NR4A3: variants seen among roughly 807,000 people sequenced by gnomAD.
NR4A3 encodes chondrosarcoma, extraskeletal myxoid, fused to EWS.
Under a neutral mutation model 55.6 loss-of-function variants are expected in NR4A3, and 13 were observed. The observed-to-expected ratio is 0.23, with a 90% CI of 0.15 to 0.37. NR4A3 has a LOEUF of 0.37. NR4A3 is among the 10% of genes least tolerant of loss of function. The probability of loss-of-function intolerance (pLI) is 1.00; values close to 1 mark genes in which losing one functional copy is unlikely to be tolerated. For synonymous variants in NR4A3, 342 were observed against 357.9 expected (o/e 0.96, Z 0.50); for missense variants, 646 against 822.8 (o/e 0.79, Z 2.63).
intron 5 of NR4A3, among the ~76,000 whole-genome samples, chr9:99,836,099 G>A (rs1827555155): frequency 6.6e-6 from 1 of 152,066 alleles, no homozygotes; most frequent in South Asian, 2.1e-4. Context: ...TCAAAAACTT[G>A]GATGAAAGCA....
intron 1 of NR4A3, among the ~76,000 whole-genome samples, chr9:99,823,166 G>GT (rs1248555514): frequency 6.6e-6 from 1 of 152,158 alleles, no homozygotes; most frequent in Non-Finnish European, 1.5e-5. Flanking sequence ...CGTTGGCTCG[G>GT]TGTGGGAAAG....
rs1190879030 is a variant in NR4A3, at chr9:99,866,045, A to G, written c.*2178A>G. 4.7e-6 allele frequency: 1 copy of G among 214,630 alleles called. No homozygotes were observed. The highest frequency in any genetic ancestry group is 9.4e-6 in the Non-Finnish European group (1 of 106,272). The allele number at this position is 214,630 out of a possible 1,614,324, so 13.3% of individuals were successfully genotyped here. A position where few individuals can be genotyped will look rare whatever the true frequency, so the allele number is the denominator to read the frequency against. ...CATACTCTTTTTTTTTCTCAACTTCATCTATATAAAATCAGGCTTTTAAAC... is the reference window on the plus strand; with the variant it reads ...CATACTCTTTTTTTTTCTCAACTTCGTCTATATAAAATCAGGCTTTTAAAC... On this transcript the variant is annotated 3_prime_UTR_variant, in exon 8 of 8. Coordinates refer to ENST00000395097, the MANE Select transcript of NR4A3 (RefSeq NM_006981.4).
rs368324471 is a variant in NR4A3 at position 99,825,380 on chromosome 9, GT to G, written c.-176-269del. On this transcript the variant is annotated intron_variant, in intron 1 of 7. Transcript: ENST00000395097. This position sits in a 1 kb window ranked among gnomAD's most constrained non-coding sequence, Gnocchi z 5.0. ...ATTTCTGGGCAATAACAGGCTGCGC[GT>G]TTTTTTTTTAGCCTCGGTTTTGGTG... Among the ~76,000 whole-genome samples, 10 of 148,044 alleles carry G rather than the reference GT, an allele frequency of 6.8e-5. No individual in the cohort carries two copies. Among genetic ancestry groups the G allele is most frequent in the Non-Finnish European group, 9.0e-5 (6 of 66,592 alleles).
In NR4A3 at chr9:99,828,636, G is replaced by A; in HGVS notation, c.594G>A (p.Pro198=). The A allele has an allele frequency of 6.8e-7, 1 of 1,467,788 alleles. No homozygotes were observed. The highest frequency in any genetic ancestry group is 8.9e-7 in the Non-Finnish European group (1 of 1,118,964). 90.9% of individuals were successfully genotyped at this position (1,467,788 alleles called of 1,614,324 possible). A position where few individuals can be genotyped will look rare whatever the true frequency, so the allele number is the denominator to read the frequency against. ...TCTTCCACTTCAAGCCCTCGCCGCC[G>A]CATCCCCCCGCGCCCAGCCCGGCCG... ...FPLFHFKPSP[P]HPPAPSPAGG... Residue 198 remains proline, a synonymous_variant, in exon 3 of 8, where the codon CCG becomes CCA. Transcript: ENST00000395097. This position sits in a 1 kb window ranked among gnomAD's most constrained non-coding sequence, Gnocchi z 7.7.
rs555872169 is a variant in NR4A3 at position 99,843,374 on chromosome 9, G to C, written c.1255-1275G>C. Among the ~76,000 whole-genome samples, 3 of 152,336 alleles carry C rather than the reference G, an allele frequency of 2.0e-5. No homozygotes were observed. The East Asian group carries it at 5.8e-4, about 29-fold the overall frequency. The stretch of plus-strand genomic sequence containing the variant: ...GATGGCACACAGCTGCCTGGGTTCT[G>C]CCAAAGAGACCTCTCTTTCCACCAC... On this transcript the variant is annotated intron_variant, in intron 5 of 7. Coordinates refer to ENST00000395097, the MANE Select transcript of NR4A3 (RefSeq NM_006981.4).
chr9:99,827,191 A>G (rs1162799158), intron 2 of NR4A3, among the ~76,000 whole-genome samples: 1 of 152,096 alleles, frequency 6.6e-6, no homozygotes, highest in Non-Finnish European at 1.5e-5. Flanking sequence ...GCCTATTATG[A>G]TAGTTATAAA....
rs750890774 is a variant in NR4A3, at chr9:99,827,288, GTGTA to G, written c.-2-751_-2-748del. Reference sequence around the variant, plus strand: ...TGTGTGTGTGTGTGTGTGTGTGTGTGTGTATATATATATATATGGGTGGGTGTTT... The same window carrying G: ...TGTGTGTGTGTGTGTGTGTGTGTGTGTATATATATATATGGGTGGGTGTTT... On this transcript the variant is annotated intron_variant, in intron 2 of 7. Coordinates refer to ENST00000395097, the MANE Select transcript of NR4A3 (RefSeq NM_006981.4). 4.0e-3 allele frequency among the ~76,000 whole-genome samples: 541 copies of G among 135,704 alleles called. 2 individuals carry two copies. The highest frequency in any genetic ancestry group is 0.025 in the East Asian group (82 of 3,238). 89.0% of individuals were successfully genotyped at this position (135,704 alleles called of 152,430 possible).
chr9:99,850,131 TAAAG>T (rs568265768), intron 7 of NR4A3, among the ~76,000 whole-genome samples: 150 of 152,198 alleles, frequency 9.9e-4, no homozygotes, highest in East Asian at 3.9e-4. Context: ...GGGCGGGACA[TAAAG>T]AACCTTCCAC....
chr9:99,840,727 C>T (rs1827636472), intron 5 of NR4A3, among the ~76,000 whole-genome samples: 1 of 152,160 alleles, frequency 6.6e-6, no homozygotes, highest in African/African-American at 2.4e-5. Flanking sequence ...ATGAGGACCC[C>T]ATGACCTGCT....
chr9:99,839,263 G>GA (rs1156309949), intron 5 of NR4A3, among the ~76,000 whole-genome samples: 1 of 152,132 alleles, frequency 6.6e-6, no homozygotes, highest in Non-Finnish European at 1.5e-5. Context: ...AAGAACCTAA[G>GA]AATATGTATA....
intron 7 of NR4A3, among the ~76,000 whole-genome samples, chr9:99,856,149 A>G (rs985790874): frequency 6.6e-6 from 1 of 151,904 alleles, no homozygotes; most frequent in Non-Finnish European, 1.5e-5. Flanking sequence ...CTTTATTTCT[A>G]TTATTATTAC....
At chr9:99,855,223 T>C (rs1564038624) in intron 7 of NR4A3, among the ~76,000 whole-genome samples, 2 of 152,198 alleles carry the variant, frequency 1.3e-5, no homozygotes, top group Non-Finnish European at 2.9e-5. Context: ...CTTTGTGTCT[T>C]TCTTTACCAG....
intron 5 of NR4A3, among the ~76,000 whole-genome samples, chr9:99,842,278 A>T (rs895193075): frequency 6.6e-6 from 1 of 152,196 alleles, no homozygotes; most frequent in African/African-American, 2.4e-5. Context: ...TATTACAGCA[A>T]ACCTAAGCAC....
chr9:99,831,464 G>C (rs1827439568), intron 3 of NR4A3, among the ~76,000 whole-genome samples: 1 of 152,154 alleles, frequency 6.6e-6, no homozygotes, highest in Non-Finnish European at 1.5e-5. Context: ...TTTTATATAA[G>C]CAATCTAGAA....
At chr9:99,829,678 A>G (rs768353446) in intron 3 of NR4A3, among the ~76,000 whole-genome samples, 16 of 152,194 alleles carry the variant, frequency 1.1e-4, no homozygotes, top group Admixed American at 6.5e-4. Flanking sequence ...CTTCTATGGA[A>G]AGAGCTGCCT....
In NR4A3 at chr9:99,844,666, G is replaced by A. The variant is rs1827722528; in HGVS notation, c.1272G>A (p.Gln424=). The A allele has an allele frequency of 6.2e-7, 1 of 1,614,080 alleles. No homozygotes were observed. The highest frequency in any genetic ancestry group is 8.5e-7 in the Non-Finnish European group (1 of 1,180,040). Residue 424 remains glutamine (Q), a synonymous_variant, in exon 6 of 8, where the codon CAG becomes CAA. Transcript: ENST00000395097. ...LDYSRYCPTD[Q]AAAGTDAEHV... ...CATTCTAGTACTGTCCCACTGACCA[G>A]GCTGCTGCAGGCACAGATGCTGAGC... is the stretch of plus-strand genomic sequence containing the variant.
intron 7 of NR4A3, among the ~76,000 whole-genome samples, chr9:99,858,482 G>C (rs139113834): frequency 6.6e-6 from 1 of 152,190 alleles, no homozygotes; most frequent in Non-Finnish European, 1.5e-5. Context: ...TCTATCTGTC[G>C]CATCTCTAAC....
At chr9:99,857,405 C>T (rs950334564) in intron 7 of NR4A3, among the ~76,000 whole-genome samples, 11 of 152,220 alleles carry the variant, frequency 7.2e-5, no homozygotes, top group Admixed American at 4.6e-4. Flanking sequence ...TGTATTAACT[C>T]GTTTACTTCT....
chr9:99,850,490 G>A (rs1413026805), intron 7 of NR4A3, among the ~76,000 whole-genome samples: 1 of 152,168 alleles, frequency 6.6e-6, no homozygotes, highest in Non-Finnish European at 1.5e-5. Context: ...TTAGTAGAAG[G>A]GTGGTGCTGG....
Sources: gnomAD v4.1 joint callset for allele counts (sites outside exome capture counted in the v4.1 genomes callset) on GRCh38, gnomAD v4.1.1 for gene constraint, Gnocchi (gnomAD v3.1) non-coding constraint, MANE v1.5 for transcripts, NCBI Gene and HGNC (gene_info 2026-07-23, HGNC 2026-07-21) for gene names.